Variants in BCAS4 observed in about 807,000 individuals in gnomAD.
BCAS4 encodes the protein breast carcinoma amplified sequence 4.
In BCAS4, 9 loss-of-function variants were observed where a neutral mutation model predicts 15.7. That is an observed-to-expected ratio of 0.57 (90% CI 0.34 to 1.00). The LOEUF is 1.00. Ranked by LOEUF, BCAS4 falls within the 50% of genes least tolerant of loss-of-function variation. The pLI, the probability that BCAS4 is intolerant of heterozygous loss-of-function variation, is 0.02. For synonymous variants in BCAS4, 101 were observed against 99.5 expected, an observed-to-expected ratio of 1.02 and a Z score of -0.09; for missense variants, 225 against 239.1, an observed-to-expected ratio of 0.94 and a Z score of 0.39.
chr20:50,870,858 C>T (rs1490088174), intron 4 of BCAS4, among the ~76,000 whole-genome samples: 4 of 152,226 alleles, frequency 2.6e-5, no homozygotes, highest in African/African-American at 9.6e-5. Flanking sequence ...GGCCCTGCGC[C>T]CCAGCACTCC....
chr20:50,857,498 GC>G (rs1978827701), intron 4 of BCAS4, among the ~76,000 whole-genome samples: 1 of 152,174 alleles, frequency 6.6e-6, no homozygotes, highest in Non-Finnish European at 1.5e-5. Context: ...GCAATTATTA[GC>G]CCCCATTTTT....
intron 2 of BCAS4, among the ~76,000 whole-genome samples, chr20:50,827,852 G>A (rs1379112412): frequency 1.3e-5 from 2 of 152,034 alleles, no homozygotes; most frequent in African/African-American, 4.8e-5. Flanking sequence ...TCAGCCTCCC[G>A]AGTAGCTGGG....
At chr20:50,815,896 G>T (rs1313549390) in intron 1 of BCAS4, among the ~76,000 whole-genome samples, 2 of 152,210 alleles carry the variant, frequency 1.3e-5, no homozygotes, top group Non-Finnish European at 1.5e-5. Context: ...GTGTGGCCTG[G>T]TAGGGAAAGC....
chr20:50,871,959 C>G (rs1979666203), intron 4 of BCAS4, among the ~76,000 whole-genome samples: 1 of 152,062 alleles, frequency 6.6e-6, no homozygotes, highest in South Asian at 2.1e-4. Flanking sequence ...AAGGGGATCC[C>G]TTAGAAAAAT....
chr20:50,880,492 C>T (rs1260402072), downstream of BCAS4: 2 of 152,166 alleles, frequency 1.3e-5, no homozygotes, highest in African/African-American at 4.8e-5. Flanking sequence ...TGATCTTTCT[C>T]TTTTTTAAAC....
In BCAS4 at chr20:50,795,164, T is replaced by C; in HGVS notation, c.81T>C (p.Pro27=). ...TCGCGCTCTTCCTGACCCCCGAGCC[T>C]GGGGCCGAGGTAGGGGACGGGGCTG... The part of the protein sequence containing the change: ...RELALFLTPE[P]GAEAKEVEET... Residue 27 remains proline (P), a synonymous_variant, in exon 1 of 5, where the codon CCT becomes CCC. Coordinates refer to ENST00000371608, the MANE Select transcript of BCAS4 (RefSeq NM_198799.4). The C allele has an allele frequency of 7.0e-7, 1 of 1,424,832 alleles. No individual in the cohort carries two copies. Among genetic ancestry groups the C allele is most frequent in the Non-Finnish European group, 9.3e-7 (1 of 1,079,910 alleles). The allele number at this position is 1,424,832 out of a possible 1,614,324, so 88.3% of individuals were successfully genotyped here.
chr20:50,859,877 C>T (rs943991868), intron 4 of BCAS4, among the ~76,000 whole-genome samples: 10 of 152,280 alleles, frequency 6.6e-5, no homozygotes, highest in Non-Finnish European at 4.4e-5. Flanking sequence ...CGGTGGCTCA[C>T]GCCTGTAATC....
At chr20:50,858,337 C>T (rs927867312) in intron 4 of BCAS4, among the ~76,000 whole-genome samples, 1 of 151,916 alleles carries the variant, frequency 6.6e-6, no homozygotes, top group South Asian at 2.1e-4. Context: ...CATGGTGGCT[C>T]ACACCTGTAA....
intron 1 of BCAS4, among the ~76,000 whole-genome samples, chr20:50,808,843 C>A (rs1352860906): frequency 6.6e-6 from 1 of 152,122 alleles, no homozygotes; most frequent in Non-Finnish European, 1.5e-5. Context: ...TAGTTTAAGT[C>A]CCACCTATTT....
At chr20:50,826,830 T>C (rs2123787100) in intron 2 of BCAS4, among the ~76,000 whole-genome samples, 1 of 152,198 alleles carries the variant, frequency 6.6e-6, no homozygotes, top group South Asian at 2.1e-4. Context: ...TAGCTGGGCA[T>C]GGTGGTGGAC....
intron 1 of BCAS4, 48 bp from the exon 2 acceptor site, chr20:50,818,163 C>A: frequency 1.3e-6 from 2 of 1,537,570 alleles, no homozygotes; most frequent in Non-Finnish European, 1.8e-6. Context: ...GGGTGTTTGT[C>A]TCCCTGGAAA....
intron 1 of BCAS4, among the ~76,000 whole-genome samples, chr20:50,807,945 T>C (rs1040607518): frequency 2.0e-5 from 3 of 149,684 alleles, no homozygotes; most frequent in Non-Finnish European, 4.4e-5. Context: ...TCTCGCTCTC[T>C]TACCCAGGCT....
chr20:50,796,757 G>C (rs1217748186), intron 1 of BCAS4, among the ~76,000 whole-genome samples: 1 of 151,350 alleles, frequency 6.6e-6, no homozygotes, highest in Non-Finnish European at 1.5e-5. Context: ...GCCTCCCAAA[G>C]TGTTGGGATT....
intron 1 of BCAS4, among the ~76,000 whole-genome samples, chr20:50,812,759 A>G (rs1318332258): frequency 1.3e-5 from 2 of 151,880 alleles, no homozygotes; most frequent in African/African-American, 2.4e-5. Flanking sequence ...TTTTGACTGT[A>G]ATGAATATTG....
chr20:50,841,656 G>A, intron 3 of BCAS4, 110 bp from the exon 4 acceptor site: 1 of 1,464,462 alleles, frequency 6.8e-7, no homozygotes, highest in Non-Finnish European at 9.4e-7. Context: ...TTGGAGGGAG[G>A]CTGGTCGCAG....
intron 2 of BCAS4, among the ~76,000 whole-genome samples, chr20:50,829,231 C>T (rs1363458713): frequency 6.6e-6 from 1 of 152,072 alleles, no homozygotes; most frequent in African/African-American, 2.4e-5. Flanking sequence ...GATTCAGTTG[C>T]TCCCCAGAAT....
chr20:50,824,115 C>T (rs2088249688), intron 2 of BCAS4, among the ~76,000 whole-genome samples: 1 of 152,250 alleles, frequency 6.6e-6, no homozygotes, highest in Non-Finnish European at 1.5e-5. Context: ...AAGTTATCCA[C>T]AGTAAGGCTG....
At chr20:50,869,411 G>A (rs905272711) in intron 4 of BCAS4, among the ~76,000 whole-genome samples, 1 of 152,170 alleles carries the variant, frequency 6.6e-6, no homozygotes, top group African/African-American at 2.4e-5. Context: ...GTGAGTACAG[G>A]TACAGTGTGT....
rs2088328387 is a variant in BCAS4, at chr20:50,830,339, A to C, written c.223A>C (p.Thr75Pro). ...ENIPVLKAKLTEMRGIYAKVD... is the reference protein window; with the variant it reads ...ENIPVLKAKLPEMRGIYAKVD... The stretch of plus-strand genomic sequence containing the variant: ...CATCCCAGTCCTTAAGGCCAAACTG[A>C]CAGAAATGCGTGGCATCTATGCCAA... The change falls in exon 3 of 5, where the codon ACA becomes CCA. Residue 75 changes from threonine (T) to proline (P), a missense_variant. Thr to Pro is a conservative substitution (Grantham distance 38, BLOSUM62 -1). Coordinates refer to ENST00000371608, the MANE Select transcript of BCAS4 (RefSeq NM_198799.4). 1 of 1,613,992 alleles carries C rather than the reference A, an allele frequency of 6.2e-7. No homozygotes were observed. The highest frequency in any genetic ancestry group is 8.5e-7 in the Non-Finnish European group (1 of 1,179,964).
Sources: gnomAD v4.1 joint callset for allele counts (sites outside exome capture counted in the v4.1 genomes callset) on GRCh38, gnomAD v4.1.1 for gene constraint, MANE v1.5 for transcripts, NCBI Gene and HGNC (gene_info 2026-07-23, HGNC 2026-07-21) for gene names.